Variants in ERI1 observed in about 807,000 individuals in gnomAD.
The protein encoded by ERI1 is exoribonuclease 1.
A neutral mutation model predicts 39.7 loss-of-function variants in ERI1; 39 were observed. The ratio of observed to expected loss-of-function variants is 0.98; its 90% CI spans 0.76 to 1.28. The LOEUF (loss-of-function observed/expected upper bound fraction) is 1.28, where lower values mean the gene tolerates loss of function less well. Among genes scored for constraint, ERI1 ranks in the 50% most tolerant of loss-of-function variants. The probability of loss-of-function intolerance (pLI) is 0.00; values close to 1 mark genes in which losing one functional copy is unlikely to be tolerated. For missense variants in ERI1, 581 were observed against 416.9 expected (o/e 1.39, Z -3.43); for synonymous variants, 204 against 149.6 (o/e 1.36, Z -2.65).
At chr8:9,009,591 GTGCAGTGGTGTGATCTCGGCTCAC>G (rs1369122689) in intron 2 of ERI1, among the ~76,000 whole-genome samples, 5 of 152,182 alleles carry the variant, frequency 3.3e-5, no homozygotes, top group African/African-American at 2.4e-5. Context: ...CCAGGCTGGA[GTGCAGTGGTGTGATCTCGGCTCAC>G]TGCAACCTCC....
At chr8:9,043,017 C>G (rs943714056) in intron 3 of ERI1, among the ~76,000 whole-genome samples, 20 of 152,306 alleles carry the variant, frequency 1.3e-4, no homozygotes, top group African/African-American at 4.6e-4. Flanking sequence ...GCAGTAGACA[C>G]TTCATTTCTG....
chr8:9,097,113 T>G (rs1465025370), intron 3 of ERI1, among the ~76,000 whole-genome samples: 1 of 152,118 alleles, frequency 6.6e-6, no homozygotes, highest in Admixed American at 6.6e-5. Context: ...TCTTCCCATT[T>G]ACACCCCCTC....
intron 3 of ERI1, among the ~76,000 whole-genome samples, chr8:9,077,591 A>G (rs1322933717): frequency 6.6e-6 from 1 of 152,170 alleles, no homozygotes; most frequent in African/African-American, 2.4e-5. Context: ...ACTGTGAACA[A>G]AGGCTGCTTT....
intron 3 of ERI1, among the ~76,000 whole-genome samples, chr8:9,063,726 A>T (rs1798778875): frequency 1.3e-5 from 2 of 152,212 alleles, no homozygotes; most frequent in South Asian, 4.1e-4. Flanking sequence ...ATTTTACAAC[A>T]AGAATTATTT....
intron 3 of ERI1, among the ~76,000 whole-genome samples, chr8:9,012,800 C>A (rs1296784782): frequency 6.6e-6 from 1 of 152,194 alleles, no homozygotes; most frequent in African/African-American, 2.4e-5. Context: ...ACTTCACTGC[C>A]AGCTACTGCA....
At chr8:9,035,512 C>T (rs1399683098), downstream of ERI1, among the ~76,000 whole-genome samples, 1 of 152,088 alleles carries the variant, frequency 6.6e-6, no homozygotes, top group Non-Finnish European at 1.5e-5. Context: ...CTGTTTACTA[C>T]ATCATTTACT....
intron 3 of ERI1, among the ~76,000 whole-genome samples, chr8:9,099,501 G>A (rs571362237): frequency 5.9e-4 from 89 of 151,646 alleles, no homozygotes; most frequent in African/African-American, 2.0e-3. Context: ...AGACTGAGTT[G>A]GAAGAATCAG....
chr8:9,062,547 A>C (rs1302235314), intron 3 of ERI1: 2 of 134,426 alleles, frequency 1.5e-5, no homozygotes, highest in East Asian at 2.5e-4. Flanking sequence ...TTATGGAGGC[A>C]AGGGAAACAG....
chr8:9,022,641 C>G (rs1043947701), intron 6 of ERI1, among the ~76,000 whole-genome samples: 2 of 152,194 alleles, frequency 1.3e-5, no homozygotes, highest in Non-Finnish European at 1.5e-5. Context: ...CTCAAATGAT[C>G]TGCCCGCCTC....
At chr8:9,063,556 G>A (rs975777371) in intron 3 of ERI1, among the ~76,000 whole-genome samples, 1 of 152,140 alleles carries the variant, frequency 6.6e-6, no homozygotes, top group Non-Finnish European at 1.5e-5. Flanking sequence ...TGTAGAAAAG[G>A]AAGATTAGAA....
chr8:9,054,784 G>A (rs1798455799), intron 3 of ERI1, among the ~76,000 whole-genome samples: 1 of 152,166 alleles, frequency 6.6e-6, no homozygotes, highest in African/African-American at 2.4e-5. Flanking sequence ...AATTAGCCAG[G>A]CGCAGTGGCG....
chr8:9,003,963 G>C (rs1367347454), intron 1 of ERI1: 2 of 621,636 alleles, frequency 3.2e-6, no homozygotes, highest in Admixed American at 2.4e-5. Context: ...TCAATAACAT[G>C]AATTTGGCTT....
rs924215275 is a variant in ERI1 at position 9,064,671 on chromosome 8, C to A, written n.299+44207C>A. 2.0e-5 allele frequency among the ~76,000 whole-genome samples: 3 copies of A among 152,118 alleles called. No individual in the cohort carries two copies. The East Asian group carries it at 5.8e-4, about 29-fold the overall frequency. Reference sequence around the variant, plus strand: ...CCAATTTAAAATTGGTGAGTTGTTCCTTGGGCTGGTGGGTCTGAGGACCTG... The same window carrying A: ...CCAATTTAAAATTGGTGAGTTGTTCATTGGGCTGGTGGGTCTGAGGACCTG... On this transcript the variant is annotated intron_variant and non_coding_transcript_variant, in intron 3 of 3. Coordinates refer to the ERI1 transcript ENST00000518663.
chr8:9,016,261 A>T, intron 3 of ERI1, 61 bp from the exon 4 acceptor site: 5 of 1,018,130 alleles, frequency 4.9e-6, no homozygotes, highest in Non-Finnish European at 5.9e-6. Context: ...TTCGTCGTGT[A>T]TCATGTATCG....
chr8:9,035,560 G>GA (rs796283314), downstream of ERI1, among the ~76,000 whole-genome samples: 1,420 of 147,370 alleles, frequency 9.6e-3, 17 homozygotes, highest in African/African-American at 0.028. Context: ...TAGTGCTCAG[G>GA]AAAAAAAAAA....
At chr8:9,091,050 A>G (rs887910029) in intron 3 of ERI1, among the ~76,000 whole-genome samples, 1 of 152,232 alleles carries the variant, frequency 6.6e-6, no homozygotes, top group East Asian at 1.9e-4. Context: ...CCAAAAATCA[A>G]CAGTCTTTAT....
downstream of ERI1, among the ~76,000 whole-genome samples, chr8:9,037,384 TC>T (rs1797886653): frequency 6.6e-6 from 1 of 152,210 alleles, no homozygotes; most frequent in Admixed American, 6.5e-5. Flanking sequence ...TCAGCCTTCT[TC>T]CCAGACAGCC....
intron 3 of ERI1, among the ~76,000 whole-genome samples, chr8:9,067,230 C>G (rs528130453): frequency 2.0e-5 from 3 of 152,100 alleles, no homozygotes; most frequent in Non-Finnish European, 2.9e-5. Context: ...ATGTTATACT[C>G]AAAGACTGTA....
At chr8:9,029,304 T>A (rs1037963143) in intron 6 of ERI1, among the ~76,000 whole-genome samples, 4 of 152,170 alleles carry the variant, frequency 2.6e-5, no homozygotes, top group Admixed American at 6.5e-5. Flanking sequence ...CAGCTGAAAC[T>A]CTTAAGATCA....
Sources: allele counts gnomAD v4.1 joint callset (sites outside exome capture counted in the v4.1 genomes callset), GRCh38; gene constraint gnomAD v4.1.1; transcripts MANE v1.5; gene names NCBI Gene and HGNC (gene_info 2026-07-23, HGNC 2026-07-21).